Variants in C1GALT1 observed in about 807,000 individuals in gnomAD.
The protein encoded by C1GALT1 is glycoprotein-N-acetylgalactosamine 3-beta-galactosyltransferase 1.
In C1GALT1, 11 loss-of-function variants were observed where a neutral mutation model predicts 31.0. The ratio of observed to expected loss-of-function variants is 0.36; its 90% confidence interval spans 0.22 to 0.59. C1GALT1 has a LOEUF of 0.59. C1GALT1 is among the 20% of genes least tolerant of loss of function. C1GALT1 has a pLI of 0.79. For missense variants in C1GALT1, 424 were observed against 425.2 expected (o/e 1.00, Z 0.03); for synonymous variants, 175 against 143.6 (o/e 1.22, Z -1.56).
chr7:7,236,515 A>G (rs1444971800), intron 2 of C1GALT1, among the ~76,000 whole-genome samples: 1 of 151,920 alleles, frequency 6.6e-6, no homozygotes, highest in East Asian at 1.9e-4. Context: ...GAGGGACATG[A>G]GAATTTTTAT....
intron 2 of C1GALT1, among the ~76,000 whole-genome samples, chr7:7,166,115 A>C (rs905052731): frequency 1.3e-5 from 2 of 152,158 alleles, no homozygotes; most frequent in African/African-American, 4.8e-5. Context: ...CATGTGAAAA[A>C]AACGTATATT....
chr7:7,177,448 A>T (rs941285561), intron 2 of C1GALT1, among the ~76,000 whole-genome samples: 3 of 152,192 alleles, frequency 2.0e-5, no homozygotes, highest in Non-Finnish European at 4.4e-5. Context: ...CCGGTTATAT[A>T]TATGTTTGTT....
chr7:7,234,397 A>G lies in C1GALT1; in HGVS notation c.78A>G (p.Leu26=), dbSNP rs1269950349. The change falls in exon 2 of 4, where the codon CTA becomes CTG. Residue 26 remains leucine, a synonymous_variant. Transcript: ENST00000436587. ...TAGGATTTCTTTTATGTTCTCAGCT[A>G]TTTAGTATTTTGTTGGGAGAAAAGG... ...SAIGFLLCSQ[L]FSILLGEKVD... 6.2e-7 allele frequency: 1 copy of G among 1,613,888 alleles called. No individual in the cohort carries two copies. Among genetic ancestry groups the G allele is most frequent in the Non-Finnish European group, 8.5e-7 (1 of 1,179,892 alleles).
At chr7:7,213,902 A>G (rs1382308974) in intron 1 of C1GALT1, among the ~76,000 whole-genome samples, 1 of 152,188 alleles carries the variant, frequency 6.6e-6, no homozygotes, top group Non-Finnish European at 1.5e-5. Flanking sequence ...GGGAGAAGAC[A>G]CTGTAGTTCT....
intron 1 of C1GALT1, among the ~76,000 whole-genome samples, chr7:7,185,432 T>G (rs1158762147): frequency 6.6e-6 from 1 of 152,188 alleles, no homozygotes; most frequent in Non-Finnish European, 1.5e-5. Context: ...AACAACAGAT[T>G]TATTGTCTCA....
chr7:7,178,988 T>C (rs768949542), upstream of C1GALT1, among the ~76,000 whole-genome samples: 1 of 152,204 alleles, frequency 6.6e-6, no homozygotes, highest in Non-Finnish European at 1.5e-5. Context: ...TTGACCATGA[T>C]GCATGCAATC....
At chr7:7,172,640 A>T (rs78850084) in intron 2 of C1GALT1, among the ~76,000 whole-genome samples, 1 of 152,162 alleles carries the variant, frequency 6.6e-6, no homozygotes, top group African/African-American at 2.4e-5. Flanking sequence ...TAAAAAAAAA[A>T]TTAACAGACT....
chr7:7,243,841 C>G lies in C1GALT1; in HGVS notation c.*114C>G. ...AGTGAGGAATTCTAAGTGAACATTC[C>G]TTATAGAAACCTTTCACATGAATGA... On this transcript the variant is annotated 3_prime_UTR_variant, in exon 4 of 4. Coordinates refer to ENST00000436587, the MANE Select transcript of C1GALT1 (RefSeq NM_020156.5). The G allele has an allele frequency of 1.4e-6, 1 of 724,584 alleles. No individual in the cohort carries two copies. Among genetic ancestry groups the G allele is most frequent in the South Asian group, 2.0e-5 (1 of 49,046 alleles). The allele number at this position is 724,584 out of a possible 1,614,324, so 44.9% of individuals were successfully genotyped here. A position where few individuals can be genotyped will look rare whatever the true frequency, so the allele number is the denominator to read the frequency against.
chr7:7,248,498 T>C lies in C1GALT1; in HGVS notation c.*4771T>C, dbSNP rs751954029. The stretch of plus-strand genomic sequence containing the variant: ...TTAAAAATGTCTGGTGACTTGCTTA[T>C]TTTTAAGTGATCACCATTAAGTCAG... On this transcript the variant is annotated 3_prime_UTR_variant, in exon 4 of 4. Coordinates refer to ENST00000436587, the MANE Select transcript of C1GALT1 (RefSeq NM_020156.5). 1 of 152,054 alleles carries C rather than the reference T, an allele frequency of 6.6e-6. No homozygotes were observed. Among genetic ancestry groups the C allele is most frequent in the Non-Finnish European group, 1.5e-5 (1 of 67,876 alleles). 9.4% of individuals were successfully genotyped at this position (152,054 alleles called of 1,614,324 possible). A position where few individuals can be genotyped will look rare whatever the true frequency, so the allele number is the denominator to read the frequency against.
chr7:7,179,407 T>G (rs1780544378), upstream of C1GALT1, among the ~76,000 whole-genome samples: 1 of 152,204 alleles, frequency 6.6e-6, no homozygotes, highest in Non-Finnish European at 1.5e-5. Flanking sequence ...TACACGAAAT[T>G]TAACTTAATT....
chr7:7,181,179 T>C (rs547844382), upstream of C1GALT1, among the ~76,000 whole-genome samples: 1 of 104,266 alleles, frequency 9.6e-6, no homozygotes, highest in South Asian at 2.4e-4. Flanking sequence ...TGTTTCACAA[T>C]GGATGGCAAG....
At chr7:7,184,702 A>C (rs1460152249) in intron 1 of C1GALT1, among the ~76,000 whole-genome samples, 1 of 152,240 alleles carries the variant, frequency 6.6e-6, no homozygotes, top group Non-Finnish European at 1.5e-5. Flanking sequence ...AGCTATAAAT[A>C]AACCTTAAGT....
chr7:7,181,254 T>TATTGCGGAAAGGTGGAAGGAC (rs1780579700), upstream of C1GALT1, among the ~76,000 whole-genome samples: 1 of 150,726 alleles, frequency 6.6e-6, no homozygotes, highest in African/African-American at 2.4e-5. Context: ...GGTGGAAGGA[T>TATTGCGGAAAGGTGGAAGGAC]ATTGCGGAAA....
intron 1 of C1GALT1, among the ~76,000 whole-genome samples, chr7:7,201,771 A>G (rs898935984): frequency 6.6e-6 from 1 of 152,130 alleles, no homozygotes; most frequent in Non-Finnish European, 1.5e-5. Flanking sequence ...CGAGGAAGTA[A>G]GCAGGGCTTT....
chr7:7,240,853 T>G (rs967177051), intron 3 of C1GALT1, among the ~76,000 whole-genome samples: 6 of 152,112 alleles, frequency 3.9e-5, no homozygotes, highest in Non-Finnish European at 7.4e-5. Flanking sequence ...TCCCCCTAAA[T>G]GAGTTTAAAT....
intron 1 of C1GALT1, among the ~76,000 whole-genome samples, chr7:7,229,706 G>T (rs1286054133): frequency 6.6e-6 from 1 of 152,028 alleles, no homozygotes; most frequent in Admixed American, 6.6e-5. Flanking sequence ...ATGTTTTATT[G>T]TATCTTTTGG....
rs1783813661 is a variant in C1GALT1, at chr7:7,245,616, A to G, written c.*1889A>G. On this transcript the variant is annotated 3_prime_UTR_variant, in exon 4 of 4. Transcript: ENST00000436587. ...TGAAAACATGCACCAGTTTTTACCT[A>G]TTATCATGGTAGTATCATCTGCCAA... The G allele has an allele frequency of 1.3e-5, 2 of 152,206 alleles. No homozygotes were observed. The highest frequency in any genetic ancestry group is 2.1e-4 in the South Asian group (1 of 4,836). The allele number at this position is 152,206 out of a possible 1,614,324, so 9.4% of individuals were successfully genotyped here.
chr7:7,222,493 TTTCA>T (rs1427328183), intron 1 of C1GALT1, among the ~76,000 whole-genome samples: 1 of 152,206 alleles, frequency 6.6e-6, no homozygotes, highest in African/African-American at 2.4e-5. Context: ...GAAATGTGTG[TTTCA>T]TTGAGGTTTT....
chr7:7,175,409 A>G (rs1780494907), intron 2 of C1GALT1, among the ~76,000 whole-genome samples: 1 of 152,190 alleles, frequency 6.6e-6, no homozygotes, highest in African/African-American at 2.4e-5. Flanking sequence ...GTGTTTTCTA[A>G]GCAAGTGTTT....
Sources: gnomAD v4.1 joint callset for allele counts (sites outside exome capture counted in the v4.1 genomes callset) on GRCh38, gnomAD v4.1.1 for gene constraint, MANE v1.5 for transcripts, NCBI Gene and HGNC (gene_info 2026-07-23, HGNC 2026-07-21) for gene names.